The following ELFN1 variants were observed in gnomAD, a reference collection of about 807,000 sequenced individuals.
ELFN1 encodes the protein extracellular leucine rich repeat and fibronectin type III domain containing 1.
In ELFN1, 6 loss-of-function variants were observed where a neutral mutation model predicts 7.6. That is an observed-to-expected ratio of 0.79 (90% CI 0.43 to 1.56). The LOEUF is 1.56. Among genes scored for constraint, ELFN1 ranks in the 40% most tolerant of loss-of-function variants. The pLI is 0.01. For missense variants in ELFN1, 1,169 were observed against 1,232.2 expected (o/e 0.95, Z 0.77); for synonymous variants, 657 against 588.1 (o/e 1.12, Z -1.70).
chr7:1,688,591 C>T (rs1779101108), intron 2 of ELFN1, among the ~76,000 whole-genome samples: 1 of 152,172 alleles, frequency 6.6e-6, no homozygotes, highest in African/African-American at 2.4e-5. Flanking sequence ...AAATACCATC[C>T]ATTTTCAATG....
At chr7:1,694,037 G>T in intron 2 of ELFN1, 1 of 341,316 alleles carries the variant, frequency 2.9e-6, no homozygotes, top group Non-Finnish European at 6.1e-6. Context: ...AGCCTTCAGG[G>T]CCACAGACTC....
intron 2 of ELFN1, among the ~76,000 whole-genome samples, chr7:1,692,626 G>T (rs1779193260): frequency 6.6e-6 from 1 of 152,246 alleles, no homozygotes; most frequent in African/African-American, 2.4e-5. Flanking sequence ...CATAAACAGG[G>T]CATACCCAGG....
In ELFN1 at chr7:1,695,843, C is replaced by T. The variant is rs754321996; in HGVS notation, c.-456+7693C>T. 9.2e-5 allele frequency among the ~76,000 whole-genome samples: 14 copies of T among 151,686 alleles called. No individual in the cohort carries two copies. Among genetic ancestry groups the T allele is most frequent in the Middle Eastern group, 3.4e-3 (1 of 292 alleles). On this transcript the variant is annotated intron_variant, in intron 2 of 3. Coordinates refer to ENST00000424383, the MANE Select transcript of ELFN1 (RefSeq NM_001128636.4). The surrounding 1 kb of genome is among the most constrained non-coding windows in gnomAD (Gnocchi z 5.1). ...CATTTACTCAGCAAATCTTGTTGGG[C>T]CCGCCAGGCCCTAGGGTTACCAGAC...
chr7:1,701,675 G>A (rs1311176109), intron 2 of ELFN1, among the ~76,000 whole-genome samples: 1 of 152,116 alleles, frequency 6.6e-6, no homozygotes, highest in Non-Finnish European at 1.5e-5. Context: ...AGATGTGCAT[G>A]CTTGTAGTTC....
chr7:1,732,252 C>G (rs1226047108), intron 3 of ELFN1, among the ~76,000 whole-genome samples: 1 of 152,108 alleles, frequency 6.6e-6, no homozygotes, highest in African/African-American at 2.4e-5. Flanking sequence ...GGTTCACGTC[C>G]CAGGCAGAGG....
intron 1 of ELFN1, among the ~76,000 whole-genome samples, chr7:1,677,870 C>T (rs1385245350): frequency 4.5e-4 from 69 of 151,922 alleles, no homozygotes; most frequent in Admixed American, 1.3e-4. Flanking sequence ...GGTCTGGGAG[C>T]GGCCGGCTCC....
intron 3 of ELFN1, among the ~76,000 whole-genome samples, chr7:1,731,921 A>T (rs1321436197): frequency 1.3e-5 from 2 of 152,200 alleles, no homozygotes; most frequent in African/African-American, 4.8e-5. Context: ...AAGTGCTGGG[A>T]TTATAAGCAT....
intron 2 of ELFN1, among the ~76,000 whole-genome samples, chr7:1,696,015 C>T (rs150062129): frequency 2.6e-3 from 391 of 152,224 alleles, no homozygotes; most frequent in Admixed American, 4.1e-3. Context: ...ATAACAAAAG[C>T]GGGACACTGG....
chr7:1,680,046 C>G (rs182988042), intron 1 of ELFN1, among the ~76,000 whole-genome samples: 2 of 152,370 alleles, frequency 1.3e-5, no homozygotes, highest in African/African-American at 4.8e-5. Context: ...ATGGGAGTTA[C>G]GCATTAGAAG....
chr7:1,733,880 C>A (rs557102791), intron 3 of ELFN1, among the ~76,000 whole-genome samples: 3 of 152,196 alleles, frequency 2.0e-5, no homozygotes, highest in Non-Finnish European at 4.4e-5. Context: ...GCCTCAGCTC[C>A]CCCAAAGGGT....
In ELFN1 at chr7:1,695,895, A is replaced by C. The variant is rs1779296914; in HGVS notation, c.-456+7745A>C. On this transcript the variant is annotated intron_variant, in intron 2 of 3. Transcript: ENST00000424383. This position sits in a 1 kb window ranked among gnomAD's most constrained non-coding sequence, Gnocchi z 5.1. Reference sequence around the variant, plus strand: ...AAGTCTGTTTCCTCCTGGAGTGTGCATTTATTAAATACCTACTGTATGCCG... The same window carrying C: ...AAGTCTGTTTCCTCCTGGAGTGTGCCTTTATTAAATACCTACTGTATGCCG... Among the ~76,000 whole-genome samples, 1 of 151,926 alleles carries C rather than the reference A, an allele frequency of 6.6e-6. No individual in the cohort carries two copies. The highest frequency in any genetic ancestry group is 2.1e-4 in the South Asian group (1 of 4,820).
chr7:1,747,277 G>T lies in ELFN1; in HGVS notation c.*194G>T, dbSNP rs964047812. The stretch of plus-strand genomic sequence containing the variant: ...GCTCCTGTGGCCGGTCCTGGGATGC[G>T]CTTGTCGCCCCGGGTGGCACGTGTC... On this transcript the variant is annotated 3_prime_UTR_variant, in exon 4 of 4. Transcript: ENST00000424383. 1.2e-5 allele frequency: 6 copies of T among 515,740 alleles called. No individual in the cohort carries two copies. The highest frequency in any genetic ancestry group is 1.9e-5 in the Non-Finnish European group (6 of 314,540). The allele number at this position is 515,740 out of a possible 1,614,324, so 31.9% of individuals were successfully genotyped here. A position where few individuals can be genotyped will look rare whatever the true frequency, so the allele number is the denominator to read the frequency against.
chr7:1,692,230 A>G (rs12670854), intron 2 of ELFN1: 17,908 of 152,328 alleles, frequency 0.12, 1,071 homozygotes, highest in Middle Eastern at 0.16. Context: ...GAAGCTGGTT[A>G]TAAACTGCAC....
chr7:1,679,971 G>C (rs1296863018), intron 1 of ELFN1, among the ~76,000 whole-genome samples: 1 of 152,262 alleles, frequency 6.6e-6, no homozygotes, highest in Non-Finnish European at 1.5e-5. Flanking sequence ...AAGGGGGCGC[G>C]TGTGCCCCTG....
rs1295472059 is a variant in ELFN1 at position 1,703,551 on chromosome 7, C to A, written c.-455-5540C>A. Among the ~76,000 whole-genome samples the A allele has an allele frequency of 3.3e-5, 5 of 152,100 alleles. No homozygotes were observed. In the South Asian group the frequency reaches 6.2e-4, roughly 19 times the overall value. On this transcript the variant is annotated intron_variant, in intron 2 of 3. Coordinates refer to ENST00000424383, the MANE Select transcript of ELFN1 (RefSeq NM_001128636.4). ...CTTACCCCGTCTGGAATTTGTGGGGCTGTGGGGTGTGAAGTGAGGAGTTAA... is the reference window on the plus strand; with the variant it reads ...CTTACCCCGTCTGGAATTTGTGGGGATGTGGGGTGTGAAGTGAGGAGTTAA...
chr7:1,743,080 G>A (rs1004486602), intron 3 of ELFN1, among the ~76,000 whole-genome samples: 6 of 108,914 alleles, frequency 5.5e-5, no homozygotes, highest in South Asian at 2.7e-4. Flanking sequence ...TTATCTCGAG[G>A]GTAGTGGTGG....
upstream of ELFN1, among the ~76,000 whole-genome samples, chr7:1,667,846 G>A (rs932016313): frequency 6.6e-6 from 1 of 152,088 alleles, no homozygotes; most frequent in Non-Finnish European, 1.5e-5. The surrounding 1 kb of genome is among the most constrained non-coding windows in gnomAD (Gnocchi z 8.2). Context: ...TCCTCGCGGC[G>A]GCGGCGCCGG....
At chr7:1,698,675 G>C (rs1779366740) in intron 2 of ELFN1, among the ~76,000 whole-genome samples, 1 of 152,200 alleles carries the variant, frequency 6.6e-6, no homozygotes, top group Non-Finnish European at 1.5e-5. Flanking sequence ...TGTAAACTGT[G>C]GCTCCACCAT....
chr7:1,679,326 TA>T (rs1309391532), intron 1 of ELFN1, among the ~76,000 whole-genome samples: 1 of 152,072 alleles, frequency 6.6e-6, no homozygotes, highest in African/African-American at 2.4e-5. Flanking sequence ...GTGCTGGCAT[TA>T]TCACGGCTGC....
Sources: gnomAD v4.1 joint callset for allele counts (sites outside exome capture counted in the v4.1 genomes callset) on GRCh38, gnomAD v4.1.1 for gene constraint, Gnocchi (gnomAD v3.1) non-coding constraint, MANE v1.5 for transcripts, NCBI Gene and HGNC (gene_info 2026-07-23, HGNC 2026-07-21) for gene names.